LAMA2: variants seen among roughly 807,000 people sequenced by gnomAD.
LAMA2 encodes the protein laminin subunit alpha 2.
In LAMA2, 269 loss-of-function variants were observed where a neutral mutation model predicts 364.8. The observed-to-expected ratio is 0.74, with a 90% CI of 0.67 to 0.82. The LOEUF is 0.82. Among genes scored for constraint, LAMA2 ranks in the 40% least tolerant of loss-of-function variants. The pLI is 0.00. For missense variants in LAMA2, 3,807 were observed against 3,873.2 expected, an observed-to-expected ratio of 0.98 and a Z score of 0.45; for synonymous variants, 1,379 against 1,370.6, an observed-to-expected ratio of 1.01 and a Z score of -0.14.
intron 58 of LAMA2, among the ~76,000 whole-genome samples, chr6:129,494,377 TA>T (rs1426066193): frequency 6.6e-6 from 1 of 152,220 alleles, no homozygotes; most frequent in Non-Finnish European, 1.5e-5. Context: ...TCATCCTTTG[TA>T]AAATAGAGAT....
At chr6:129,008,908 A>G (rs1784598098) in intron 1 of LAMA2, among the ~76,000 whole-genome samples, 1 of 152,212 alleles carries the variant, frequency 6.6e-6, no homozygotes, top group East Asian at 1.9e-4. Flanking sequence ...CCCAGGATGT[A>G]GTGTACTTAC....
intron 12 of LAMA2, among the ~76,000 whole-genome samples, chr6:129,234,757 C>T (rs59535638): frequency 0.017 from 2,570 of 152,088 alleles, 82 homozygotes; most frequent in African/African-American, 0.06. Context: ...TTTAATTACA[C>T]GTACGGTGTT....
chr6:129,222,647 CCATGTCCCTACAAAGGA>C (rs1783942269), intron 12 of LAMA2, among the ~76,000 whole-genome samples: 1 of 152,038 alleles, frequency 6.6e-6, no homozygotes, highest in Non-Finnish European at 1.5e-5. Context: ...CTAGCTTCAT[CCATGTCCCTACAAAGGA>C]CGTGAACTCA....
chr6:129,226,649 G>A (rs1317071802), intron 12 of LAMA2, among the ~76,000 whole-genome samples: 2 of 151,930 alleles, frequency 1.3e-5, no homozygotes, highest in Non-Finnish European at 2.9e-5. Context: ...TAAGAATGTT[G>A]AATATTGGCC....
intron 35 of LAMA2, among the ~76,000 whole-genome samples, chr6:129,386,781 G>A (rs962020191): frequency 2.6e-5 from 4 of 152,092 alleles, no homozygotes; most frequent in Non-Finnish European, 4.4e-5. Flanking sequence ...TTTTCATAAT[G>A]AAGATAAAGT....
chr6:129,276,142 T>G (rs941177698), intron 17 of LAMA2, among the ~76,000 whole-genome samples: 13 of 152,092 alleles, frequency 8.5e-5, no homozygotes, highest in Non-Finnish European at 1.9e-4. Flanking sequence ...TCCCTGCCCC[T>G]TTTCAGTTAT....
intron 1 of LAMA2, among the ~76,000 whole-genome samples, chr6:128,951,878 C>T (rs1327642058): frequency 2.0e-5 from 3 of 152,068 alleles, no homozygotes; most frequent in Non-Finnish European, 4.4e-5. Flanking sequence ...GCATTTCAGG[C>T]CAGGTATGGT....
chr6:129,439,822 G>A (rs1782010365), intron 42 of LAMA2, among the ~76,000 whole-genome samples: 1 of 80,014 alleles, frequency 1.2e-5, no homozygotes, highest in Admixed American at 1.2e-4. Flanking sequence ...TGCATCAATT[G>A]GTCATATATA....
Position 129,512,411 on chromosome 6 carries a change from G to T in LAMA2, c.8906G>T (p.Arg2969Leu). Residue 2969 changes from arginine to leucine, a missense_variant, in exon 63 of 65, where the codon CGC becomes CTC. Arg to Leu is a moderately radical substitution (Grantham distance 102). Around this residue, in one of 3 missense-constraint regions of LAMA2, gnomAD observed 3,333 missense variants for 3,345.7 expected, o/e 1.00. Transcript: ENST00000421865. ...GLDLLVEFEF[R>L]TTTTTGVLLG... ...GACCTTCTTGTAGAATTTGAATTCC[G>T]CACAACTACAACGACTGGAGTTCTT... The T allele has an allele frequency of 1.2e-6, 2 of 1,613,200 alleles. No homozygotes were observed. Among genetic ancestry groups the T allele is most frequent in the Non-Finnish European group, 1.7e-6 (2 of 1,179,240 alleles).
intron 14 of LAMA2, among the ~76,000 whole-genome samples, chr6:129,257,566 T>A (rs900075967): frequency 3.3e-5 from 5 of 152,160 alleles, no homozygotes; most frequent in Admixed American, 3.3e-4. Flanking sequence ...GTCAATTTTA[T>A]ATGAGAAATT....
chr6:129,325,294 G>C (rs182887348), intron 28 of LAMA2, among the ~76,000 whole-genome samples: 2 of 152,216 alleles, frequency 1.3e-5, no homozygotes, highest in African/African-American at 4.8e-5. Flanking sequence ...AGTAGAAATG[G>C]GTAAGAGGAG....
intron 41 of LAMA2, among the ~76,000 whole-genome samples, chr6:129,434,220 A>G (rs937628451): frequency 1.3e-5 from 2 of 152,192 alleles, no homozygotes; most frequent in Non-Finnish European, 2.9e-5. Context: ...TTCTGGATAT[A>G]TCTATCTTGT....
chr6:129,262,172 T>C (rs73585527), intron 15 of LAMA2, among the ~76,000 whole-genome samples: 13,056 of 152,150 alleles, frequency 0.086, 1,825 homozygotes, highest in African/African-American at 0.3. Flanking sequence ...GTCTCTTCCT[T>C]CTCTCCTTCA....
At chr6:128,940,049 T>C (rs1361294226) in intron 1 of LAMA2, among the ~76,000 whole-genome samples, 2 of 152,220 alleles carry the variant, frequency 1.3e-5, no homozygotes, top group African/African-American at 4.8e-5. Flanking sequence ...TCTGCCATTC[T>C]TGCTCATCAT....
At chr6:129,111,236 C>T (rs780953075) in intron 4 of LAMA2, among the ~76,000 whole-genome samples, 25 of 151,956 alleles carry the variant, frequency 1.6e-4, no homozygotes, top group South Asian at 2.1e-4. Context: ...AGACTGACTA[C>T]AGCCAAATAT....
chr6:129,312,053 A>G (rs1181728490), intron 22 of LAMA2, among the ~76,000 whole-genome samples: 1 of 145,718 alleles, frequency 6.9e-6, no homozygotes, highest in African/African-American at 2.8e-5. Context: ...TAATTAGAAC[A>G]GATGTAAAAA....
At chr6:129,163,884 A>T (rs1380552664) in intron 8 of LAMA2, among the ~76,000 whole-genome samples, 1 of 152,082 alleles carries the variant, frequency 6.6e-6, no homozygotes, top group South Asian at 2.1e-4. Context: ...TACAGCTTCC[A>T]TTTCTCTGAA....
At chr6:129,077,727 G>C (rs1252678909) in intron 3 of LAMA2, among the ~76,000 whole-genome samples, 1 of 152,130 alleles carries the variant, frequency 6.6e-6, no homozygotes, top group Non-Finnish European at 1.5e-5. Flanking sequence ...CACTGAAATA[G>C]CTCCTACTTC....
chr6:128,987,775 T>A (rs1783358253), intron 1 of LAMA2, among the ~76,000 whole-genome samples: 1 of 152,194 alleles, frequency 6.6e-6, no homozygotes, highest in African/African-American at 2.4e-5. Flanking sequence ...TCAGCCAACT[T>A]TTTTCATCTG....
Sources: allele counts gnomAD v4.1 joint callset (sites outside exome capture counted in the v4.1 genomes callset), GRCh38; gene constraint gnomAD v4.1.1; regional missense constraint gnomAD v4.1.1; transcripts MANE v1.5; gene names NCBI Gene and HGNC (gene_info 2026-07-23, HGNC 2026-07-21).